Variants in RNF180 observed in about 807,000 individuals in gnomAD.
RNF180 encodes ring finger protein 180.
A neutral mutation model predicts 59.2 loss-of-function variants in RNF180; 38 were observed. The observed-to-expected ratio is 0.64, with a 90% CI of 0.50 to 0.84. The LOEUF (loss-of-function observed/expected upper bound fraction) is 0.84, where lower values mean the gene tolerates loss of function less well. RNF180 is among the 40% of genes least tolerant of loss of function. The pLI, the probability that RNF180 is intolerant of heterozygous loss-of-function variation, is 0.00. For missense variants in RNF180, 705 were observed against 700.9 expected, an observed-to-expected ratio of 1.01 and a Z score of -0.07; for synonymous variants, 262 against 240.3, an observed-to-expected ratio of 1.09 and a Z score of -0.84.
At chr5:64,339,414 A>G (rs2112560138) in intron 7 of RNF180, among the ~76,000 whole-genome samples, 1 of 152,128 alleles carries the variant, frequency 6.6e-6, no homozygotes, top group East Asian at 1.9e-4. Flanking sequence ...ATTATTTTTT[A>G]TAATAAACCA....
At chr5:64,245,725 A>G (rs1743109237) in intron 5 of RNF180, among the ~76,000 whole-genome samples, 1 of 152,230 alleles carries the variant, frequency 6.6e-6, no homozygotes, top group Non-Finnish European at 1.5e-5. Context: ...GAAAATTTAC[A>G]AGGATATTCA....
Position 64,165,912 on chromosome 5 carries a change from G to T in RNF180, c.-42G>T. On this transcript the variant is annotated 5_prime_UTR_variant, in exon 1 of 8. Transcript: ENST00000389100. ...CTGGCTGCTGGCGGCCGGGAGCGCCGGGACGGGGCGCGAAGCCGGAGGCTC... is the reference window on the plus strand; with the variant it reads ...CTGGCTGCTGGCGGCCGGGAGCGCCTGGACGGGGCGCGAAGCCGGAGGCTC... 1 of 152,344 alleles carries T rather than the reference G, an allele frequency of 6.6e-6. No individual in the cohort carries two copies. Among genetic ancestry groups the T allele is most frequent in the South Asian group, 2.0e-4 (1 of 4,960 alleles). 9.4% of individuals were successfully genotyped at this position (152,344 alleles called of 1,614,324 possible).
At chr5:64,251,322 C>T (rs575844433) in intron 5 of RNF180, among the ~76,000 whole-genome samples, 50 of 152,278 alleles carry the variant, frequency 3.3e-4, no homozygotes, top group African/African-American at 1.2e-3. Context: ...TTTATCGTTA[C>T]CATACTGGCG....
intron 6 of RNF180, among the ~76,000 whole-genome samples, chr5:64,327,367 T>A (rs891774457): frequency 1.3e-5 from 2 of 152,104 alleles, no homozygotes; most frequent in African/African-American, 4.8e-5. Context: ...TTGAGGTACA[T>A]ACATCATTAG....
intron 5 of RNF180, among the ~76,000 whole-genome samples, chr5:64,227,755 A>C (rs1183960521): frequency 6.6e-6 from 1 of 152,250 alleles, no homozygotes; most frequent in Non-Finnish European, 1.5e-5. Flanking sequence ...TAAAATGTGA[A>C]GGTACCTTCA....
intron 1 of RNF180, among the ~76,000 whole-genome samples, chr5:64,200,080 A>G (rs537817895): frequency 1.8e-4 from 27 of 152,308 alleles, no homozygotes; most frequent in African/African-American, 5.3e-4. Flanking sequence ...ATTTAATGGT[A>G]TGACTATTCA....
At chr5:64,366,423 TG>T (rs1275426375) in intron 7 of RNF180, among the ~76,000 whole-genome samples, 1 of 151,472 alleles carries the variant, frequency 6.6e-6, no homozygotes, top group Non-Finnish European at 1.5e-5. Context: ...GAGAATGTTA[TG>T]ATTATGTGCC....
At chr5:64,201,003 C>T (rs1376269559) in intron 2 of RNF180, 61 bp downstream of exon 2, 29 of 1,249,662 alleles carry the variant, frequency 2.3e-5, no homozygotes, top group Non-Finnish European at 3.1e-5. Flanking sequence ...GGCCTATCCA[C>T]ACACATGCAC....
At chr5:64,196,044 A>G (rs978428069) in intron 1 of RNF180, among the ~76,000 whole-genome samples, 1 of 152,176 alleles carries the variant, frequency 6.6e-6, no homozygotes, top group African/African-American at 2.4e-5. Flanking sequence ...CAGTGTTACA[A>G]TGGAAATTGA....
chr5:64,197,150 G>A (rs1003174651), intron 1 of RNF180, among the ~76,000 whole-genome samples: 19 of 152,126 alleles, frequency 1.2e-4, no homozygotes, highest in African/African-American at 4.3e-4. Context: ...ATGCAACTTC[G>A]TTATGGAGGT....
At chr5:64,206,018 A>G (rs150310007) in intron 2 of RNF180, among the ~76,000 whole-genome samples, 159 of 152,304 alleles carry the variant, frequency 1.0e-3, no homozygotes, top group African/African-American at 3.7e-3. Flanking sequence ...GTTAAATGAG[A>G]TCTAGAAGAT....
chr5:64,309,798 A>G (rs1743668470), intron 5 of RNF180, among the ~76,000 whole-genome samples: 2 of 151,680 alleles, frequency 1.3e-5, no homozygotes, highest in South Asian at 2.1e-4. Flanking sequence ...TCAAACCTTT[A>G]TATTTTAAAA....
chr5:64,237,015 G>T (rs986165879), intron 5 of RNF180, among the ~76,000 whole-genome samples: 1 of 152,212 alleles, frequency 6.6e-6, no homozygotes, highest in Non-Finnish European at 1.5e-5. Context: ...CAATGCAGAG[G>T]GGAAATATGG....
intron 5 of RNF180, among the ~76,000 whole-genome samples, chr5:64,315,328 C>G (rs1457920465): frequency 6.6e-6 from 1 of 152,222 alleles, no homozygotes; most frequent in African/African-American, 2.4e-5. Flanking sequence ...TTACTTTGTT[C>G]TTTTTTGTGA....
chr5:64,347,144 G>A (rs1282409566), intron 7 of RNF180, among the ~76,000 whole-genome samples: 2 of 152,180 alleles, frequency 1.3e-5, no homozygotes, highest in African/African-American at 4.8e-5. Context: ...GCAAATTTAA[G>A]AAATCTAAGT....
At position 64,263,070 on chromosome 5, in the gene RNF180, C is replaced by T. The variant is rs114014716; in HGVS notation, c.1227+45674C>T. The stretch of plus-strand genomic sequence containing the variant: ...TAAGTCCTGGCCCTAAAACTTCTAT[C>T]TCTGTGATACTGAATAAGTCACTTG... On this transcript the variant is annotated intron_variant, in intron 5 of 7. Coordinates refer to ENST00000389100, the MANE Select transcript of RNF180 (RefSeq NM_001113561.2). 3.9e-3 allele frequency among the ~76,000 whole-genome samples: 597 copies of T among 152,102 alleles called. 2 individuals carry two copies. The highest frequency in any genetic ancestry group is 7.4e-3 in the Admixed American group (113 of 15,276).
At chr5:64,245,607 A>T (rs1371542382) in intron 5 of RNF180, among the ~76,000 whole-genome samples, 1 of 152,234 alleles carries the variant, frequency 6.6e-6, no homozygotes, top group East Asian at 1.9e-4. Flanking sequence ...GAGCACCAAG[A>T]TTCATAAAGC....
intron 1 of RNF180, among the ~76,000 whole-genome samples, chr5:64,172,393 GA>G (rs1161231098): frequency 1.3e-5 from 2 of 152,072 alleles, no homozygotes; most frequent in Non-Finnish European, 1.5e-5. Context: ...CCCCCACAAG[GA>G]ATGGGTTTAG....
intron 5 of RNF180, among the ~76,000 whole-genome samples, chr5:64,324,653 C>T (rs768972704): frequency 1.1e-4 from 17 of 152,212 alleles, no homozygotes; most frequent in African/African-American, 2.7e-4. Context: ...AGTTTCTTTG[C>T]TTTGCTTTCC....
Sources: allele counts gnomAD v4.1 joint callset (sites outside exome capture counted in the v4.1 genomes callset), GRCh38; gene constraint gnomAD v4.1.1; transcripts MANE v1.5; gene names NCBI Gene and HGNC (gene_info 2026-07-23, HGNC 2026-07-21).